Variants in RIN3 observed in about 807,000 individuals in gnomAD.
RIN3 encodes RAB5 interacting protein 3.
A neutral mutation model predicts 76.3 loss-of-function variants in RIN3; 54 were observed. That is an observed-to-expected ratio of 0.71 (90% confidence interval 0.57 to 0.89). The LOEUF is 0.89. Ranked by LOEUF, RIN3 falls within the 40% of genes least tolerant of loss-of-function variation. RIN3 has a pLI of 0.00. For missense variants in RIN3, 1,256 were observed against 1,322.1 expected (o/e 0.95, Z 0.78); for synonymous variants, 576 against 564.0 (o/e 1.02, Z -0.30).
rs1897292451 is a variant in RIN3 at position 92,547,123 on chromosome 14, T to C, written c.45-8628T>C. ...ATTAAATAAATTATCTTTATTTTAT[T>C]ATTATTATAAAGTAAATTATCTTTA... On this transcript the variant is annotated intron_variant, in intron 1 of 9. Coordinates refer to ENST00000216487, the MANE Select transcript of RIN3 (RefSeq NM_024832.5). 2.5e-5 allele frequency among the ~76,000 whole-genome samples: 2 copies of C among 79,796 alleles called. 1 individual carries two copies. The highest frequency in any genetic ancestry group is 5.6e-5 in the Non-Finnish European group (2 of 35,774). 52.3% of individuals were successfully genotyped at this position (79,796 alleles called of 152,430 possible).
intron 2 of RIN3, among the ~76,000 whole-genome samples, chr14:92,558,405 C>T (rs1897661991): frequency 6.6e-6 from 1 of 152,156 alleles, no homozygotes; most frequent in African/African-American, 2.4e-5. Flanking sequence ...GTAGTGGTTC[C>T]TTTTGGAGAA....
At chr14:92,662,350 C>T (rs1227741056) in intron 7 of RIN3, among the ~76,000 whole-genome samples, 1 of 152,208 alleles carries the variant, frequency 6.6e-6, no homozygotes, top group African/African-American at 2.4e-5. Context: ...CTGGGAACAG[C>T]CTCGGGGAGA....
At chr14:92,608,224 G>A (rs977071784) in intron 3 of RIN3, among the ~76,000 whole-genome samples, 1 of 152,314 alleles carries the variant, frequency 6.6e-6, no homozygotes, top group East Asian at 1.9e-4. Context: ...CAATTTCCGG[G>A]TTTTGACATT....
intron 7 of RIN3, among the ~76,000 whole-genome samples, chr14:92,673,757 C>A (rs952562207): frequency 7.2e-5 from 11 of 152,194 alleles, no homozygotes; most frequent in African/African-American, 2.7e-4. Flanking sequence ...CCGCATGCGT[C>A]GGCCTCCCAG....
intron 1 of RIN3, among the ~76,000 whole-genome samples, chr14:92,523,400 C>T (rs1896648378): frequency 6.6e-6 from 1 of 152,258 alleles, no homozygotes; most frequent in South Asian, 2.1e-4. Context: ...GCGTGAGCCA[C>T]CGTGCCTAGC....
chr14:92,676,996 C>T (rs1023717263), intron 8 of RIN3, among the ~76,000 whole-genome samples: 3 of 151,944 alleles, frequency 2.0e-5, no homozygotes, highest in African/African-American at 7.3e-5. Context: ...GTAGCGGGAA[C>T]AGCAGGAGGT....
chr14:92,576,161 G>A, intron 2 of RIN3: 1 of 1,180,796 alleles, frequency 8.5e-7, no homozygotes, highest in South Asian at 1.5e-5. Flanking sequence ...GCCACAGGAG[G>A]CTGGGGAGAT....
rs532870865 is a variant in RIN3 at position 92,557,966 on chromosome 14, G to A, written c.249+2011G>A. On this transcript the variant is annotated intron_variant, in intron 2 of 9. Transcript: ENST00000216487. Reference sequence around the variant, plus strand: ...GTGGATGGGAATTACCAGACAGTGGGGGATGGTCCCAGGAGAAGGTGCTGG... The same window carrying A: ...GTGGATGGGAATTACCAGACAGTGGAGGATGGTCCCAGGAGAAGGTGCTGG... 4.6e-5 allele frequency among the ~76,000 whole-genome samples: 7 copies of A among 152,348 alleles called. No individual in the cohort carries two copies. In the East Asian group the frequency reaches 1.3e-3, roughly 29 times the overall value.
chr14:92,557,238 G>A (rs1321654161), intron 2 of RIN3, among the ~76,000 whole-genome samples: 2 of 152,224 alleles, frequency 1.3e-5, no homozygotes, highest in Non-Finnish European at 2.9e-5. Context: ...GGTAGGTGTT[G>A]CCACCTTGCC....
intron 8 of RIN3, among the ~76,000 whole-genome samples, chr14:92,683,377 G>T (rs930220526): frequency 6.6e-6 from 1 of 152,042 alleles, no homozygotes; most frequent in Non-Finnish European, 1.5e-5. Context: ...TCTGGGACTC[G>T]GTTTTCTCTC....
In RIN3 at chr14:92,688,189, T is replaced by C. The variant is rs745526573; in HGVS notation, c.2895T>C (p.Gly965=). The part of the protein sequence containing the change: ...DFHFVYRPLD[G]GGGGGGGSPP... ...ACTTTGTCTACCGGCCCCTGGACGGTGGTGGCGGCGGCGGCGGCGGGAGCC... is the reference window on the plus strand; with the variant it reads ...ACTTTGTCTACCGGCCCCTGGACGGCGGTGGCGGCGGCGGCGGCGGGAGCC... The change falls in exon 10 of 10, where the codon GGT becomes GGC. Residue 965 remains glycine, a synonymous_variant. Coordinates refer to ENST00000216487, the MANE Select transcript of RIN3 (RefSeq NM_024832.5). The C allele has an allele frequency of 8.5e-5, 131 of 1,534,274 alleles. No individual in the cohort carries two copies. Among genetic ancestry groups the C allele is most frequent in the Non-Finnish European group, 1.1e-4 (124 of 1,148,802 alleles).
chr14:92,680,199 AC>A (rs1198076380), intron 8 of RIN3, among the ~76,000 whole-genome samples: 1 of 130,992 alleles, frequency 7.6e-6, no homozygotes, highest in Admixed American at 7.7e-5. Flanking sequence ...GCTCTCTGGC[AC>A]TTTTTTTTTT....
Position 92,634,510 on chromosome 14 carries a change from G to A in RIN3, c.441-6728G>A, listed in dbSNP as rs552442803. ...ATATTTTTTTAATAGCCCTGACCTT[G>A]GGGGCCTGTGATTCTCACCGAAGGC... On this transcript the variant is annotated intron_variant, in intron 4 of 9. Transcript: ENST00000216487. Among the ~76,000 whole-genome samples, 7 of 152,260 alleles carry A rather than the reference G, an allele frequency of 4.6e-5. 1 individual carries two copies. The South Asian group carries it at 1.5e-3, about 32-fold the overall frequency.
Position 92,685,166 on chromosome 14 carries a change from G to A in RIN3, c.2631+16G>A, listed in dbSNP as rs754349326. 149 of 1,587,986 alleles carry A rather than the reference G, an allele frequency of 9.4e-5. No homozygotes were observed. Among genetic ancestry groups the A allele is most frequent in the Middle Eastern group, 3.3e-4 (2 of 6,010 alleles). On this transcript the variant is annotated intron_variant, in intron 9 of 9. Transcript: ENST00000216487. The surrounding 1 kb of genome is among the most constrained non-coding windows in gnomAD (Gnocchi z 4.7). Reference sequence around the variant, plus strand: ...CTCCGTACAGGTGAGGCCTGAGAGCGGGAGGGGCCCGGTGGGGCCATGTCC... The same window carrying A: ...CTCCGTACAGGTGAGGCCTGAGAGCAGGAGGGGCCCGGTGGGGCCATGTCC...
intron 4 of RIN3, among the ~76,000 whole-genome samples, chr14:92,633,188 C>T (rs1265040279): frequency 6.6e-6 from 1 of 152,100 alleles, no homozygotes; most frequent in African/African-American, 2.4e-5. Context: ...GGTTTCCATC[C>T]TTGACGACAG....
intron 4 of RIN3, among the ~76,000 whole-genome samples, chr14:92,618,010 C>G (rs1483585913): frequency 2.0e-5 from 3 of 152,204 alleles, no homozygotes; most frequent in Non-Finnish European, 4.4e-5. Flanking sequence ...GCAATGATAT[C>G]TTTAACCTGT....
Position 92,568,476 on chromosome 14 carries a change from T to C in RIN3, c.250-8884T>C, listed in dbSNP as rs941001504. ...CAGTGATGCTGTTTTTGAGGTGCTGTCTGTGAATACCTTCTAGAAGAGTCT... is the reference window on the plus strand; with the variant it reads ...CAGTGATGCTGTTTTTGAGGTGCTGCCTGTGAATACCTTCTAGAAGAGTCT... On this transcript the variant is annotated intron_variant, in intron 2 of 9. Transcript: ENST00000216487. This position sits in a 1 kb window ranked among gnomAD's most constrained non-coding sequence, Gnocchi z 4.2. 6.6e-6 allele frequency among the ~76,000 whole-genome samples: 1 copy of C among 152,224 alleles called. No homozygotes were observed. Among genetic ancestry groups the C allele is most frequent in the African/African-American group, 2.4e-5 (1 of 41,450 alleles).
At position 92,540,968 on chromosome 14, in the gene RIN3, G is replaced by T. The variant is rs76648580; in HGVS notation, c.45-14783G>T. ...AGCAGATTCCTGCATTCTTTCAGTC[G>T]AGCCTTCAACATAACAGTCTAGGCA... On this transcript the variant is annotated intron_variant, in intron 1 of 9. Transcript: ENST00000216487. Among the ~76,000 whole-genome samples the T allele has an allele frequency of 6.7e-3, 1,013 of 152,276 alleles. 11 individuals are homozygous for T. The highest frequency in any genetic ancestry group is 0.023 in the African/African-American group (938 of 41,558).
In RIN3 at chr14:92,685,395, A is replaced by T. The variant is rs114471481; in HGVS notation, c.2631+245A>T. The T allele has an allele frequency of 3.9e-3, 2,008 of 513,958 alleles. 30 individuals are homozygous for T. The highest frequency in any genetic ancestry group is 0.035 in the African/African-American group (1,838 of 52,684). The allele number at this position is 513,958 out of a possible 1,614,324, so 31.8% of individuals were successfully genotyped here. On this transcript the variant is annotated intron_variant, in intron 9 of 9. Coordinates refer to ENST00000216487, the MANE Select transcript of RIN3 (RefSeq NM_024832.5). The surrounding 1 kb of genome is among the most constrained non-coding windows in gnomAD (Gnocchi z 4.7). Reference sequence around the variant, plus strand: ...TGGTGTTCTCCCTGGGCAAGCAGGAAGGGTGCAGGAGGAATGAGACACACC... The same window carrying T: ...TGGTGTTCTCCCTGGGCAAGCAGGATGGGTGCAGGAGGAATGAGACACACC...
Sources: allele counts gnomAD v4.1 joint callset (sites outside exome capture counted in the v4.1 genomes callset), GRCh38; gene constraint gnomAD v4.1.1; non-coding constraint Gnocchi (gnomAD v3.1); transcripts MANE v1.5; gene names NCBI Gene and HGNC (gene_info 2026-07-23, HGNC 2026-07-21).